The following SPHKAP variants were observed in gnomAD, a reference collection of about 807,000 sequenced individuals.
The protein encoded by SPHKAP is SPHK1 interactor, AKAP domain containing, also known as A-kinase anchor protein SPHKAP.
Under a neutral mutation model 137.5 loss-of-function variants are expected in SPHKAP, and 67 were observed. The observed-to-expected ratio is 0.49, with a 90% confidence interval of 0.40 to 0.60. The LOEUF (loss-of-function observed/expected upper bound fraction) is 0.60. Among genes scored for constraint, SPHKAP ranks in the 20% least tolerant of loss-of-function variants. The pLI is 0.00. For synonymous variants in SPHKAP, 813 were observed against 785.3 expected, an observed-to-expected ratio of 1.04 and a Z score of -0.59; for missense variants, 2,097 against 2,069.3, an observed-to-expected ratio of 1.01 and a Z score of -0.26.
At chr2:228,070,154 C>T (rs1340387754) in intron 3 of SPHKAP, among the ~76,000 whole-genome samples, 1 of 152,188 alleles carries the variant, frequency 6.6e-6, no homozygotes, top group Admixed American at 6.5e-5. Context: ...CTACTAATAG[C>T]TTACTGTTAA....
At chr2:228,149,405 A>G (rs935364139) in intron 1 of SPHKAP, among the ~76,000 whole-genome samples, 4 of 152,268 alleles carry the variant, frequency 2.6e-5, no homozygotes, top group Non-Finnish European at 4.4e-5. Context: ...CAGTGAAATT[A>G]TCTTTACATC....
In SPHKAP at chr2:228,017,330, C is replaced by T. The variant is rs369782574; in HGVS notation, c.3524G>A (p.Ser1175Asn). The T allele has an allele frequency of 1.9e-6, 3 of 1,613,686 alleles. No homozygotes were observed. The highest frequency in any genetic ancestry group is 1.3e-5 in the African/African-American group (1 of 74,936). Residue 1175 changes from serine to asparagine, a missense_variant, in exon 7 of 12, where the codon AGT becomes AAT. By Grantham distance (46) the Ser-to-Asn change is conservative. Coordinates refer to ENST00000392056, the MANE Select transcript of SPHKAP (RefSeq NM_001142644.2). ...QQACRKSDHLSVRPSCPSKQS... is the reference protein window; with the variant it reads ...QQACRKSDHLNVRPSCPSKQS... ...CTTAGAGGGACAGCTAGGCCTCACA[C>T]TGAGGTGGTCACTTTTCCGGCACGC...
At chr2:228,008,021 TTTTATC>T (rs1245252297) in intron 7 of SPHKAP, among the ~76,000 whole-genome samples, 8 of 152,216 alleles carry the variant, frequency 5.3e-5, no homozygotes, top group African/African-American at 1.7e-4. Flanking sequence ...TTTTTAAAGT[TTTTATC>T]TTTATGTTGT....
chr2:228,141,496 C>T (rs185301547), intron 1 of SPHKAP, among the ~76,000 whole-genome samples: 74 of 152,246 alleles, frequency 4.9e-4, no homozygotes, highest in African/African-American at 1.7e-3. Flanking sequence ...AATATATGCA[C>T]ATTTTTGAAT....
At chr2:228,046,528 T>C (rs892113023) in intron 3 of SPHKAP, among the ~76,000 whole-genome samples, 1 of 152,068 alleles carries the variant, frequency 6.6e-6, no homozygotes, top group African/African-American at 2.4e-5. Context: ...AAATAGGTGA[T>C]TCAAAAAGCT....
At chr2:228,023,374 T>G (rs1419620295) in intron 5 of SPHKAP, among the ~76,000 whole-genome samples, 1 of 152,150 alleles carries the variant, frequency 6.6e-6, no homozygotes, top group Non-Finnish European at 1.5e-5. Flanking sequence ...TTGGAAATAT[T>G]TACTCTCAGG....
At chr2:228,109,503 G>T in intron 2 of SPHKAP, 1 of 324,688 alleles carries the variant, frequency 3.1e-6, no homozygotes, top group Non-Finnish European at 4.4e-6. Flanking sequence ...TTTAGAAATA[G>T]CACGGTATGG....
chr2:228,019,185 C>T lies in SPHKAP; in HGVS notation c.1669G>A (p.Ala557Thr). The change falls in exon 7 of 12, where the codon GCT becomes ACT. Residue 557 changes from alanine to threonine, a missense_variant. Ala to Thr is a moderately conservative substitution (Grantham distance 58). Transcript: ENST00000392056. ...GCCACCTGAGTCATGCCACACAAAG[C>T]AGATGGAAAGGAGTACTCATTGATG... ...PSINEYSFPS[A>T]LCGMTQVASA... The T allele has an allele frequency of 6.2e-7, 1 of 1,613,720 alleles. No homozygotes were observed. Among genetic ancestry groups the T allele is most frequent in the South Asian group, 1.1e-5 (1 of 91,078 alleles).
chr2:228,181,512 C>A lies in SPHKAP; in HGVS notation c.32+55G>T. Reference sequence around the variant, plus strand: ...GGGCAAGTTGGTGAGCGACTCACAACGCGGAACGGAGTTTGATCGACATGG... The same window carrying A: ...GGGCAAGTTGGTGAGCGACTCACAAAGCGGAACGGAGTTTGATCGACATGG... On this transcript the variant is annotated intron_variant, in intron 1 of 11. Coordinates refer to ENST00000392056, the MANE Select transcript of SPHKAP (RefSeq NM_001142644.2). This position sits in a 1 kb window ranked among gnomAD's most constrained non-coding sequence, Gnocchi z 4.3. The A allele has an allele frequency of 6.2e-7, 1 of 1,613,832 alleles. No homozygotes were observed. Among genetic ancestry groups the A allele is most frequent in the Non-Finnish European group, 8.5e-7 (1 of 1,179,746 alleles).
intron 7 of SPHKAP, among the ~76,000 whole-genome samples, chr2:228,002,084 C>T (rs1400897331): frequency 1.3e-5 from 2 of 152,104 alleles, no homozygotes; most frequent in Non-Finnish European, 2.9e-5. Flanking sequence ...GGTATATACC[C>T]AGTAATGGGA....
chr2:228,072,358 C>CT (rs61521562), intron 3 of SPHKAP, among the ~76,000 whole-genome samples: 2 of 151,620 alleles, frequency 1.3e-5, no homozygotes, highest in South Asian at 2.1e-4. Flanking sequence ...AGCATCATAA[C>CT]TTTTTTTTTA....
In SPHKAP at chr2:228,019,637, C is replaced by T. The variant is rs747853973; in HGVS notation, c.1217G>A (p.Arg406Lys). 6 of 1,614,086 alleles carry T rather than the reference C, an allele frequency of 3.7e-6. No homozygotes were observed. Among genetic ancestry groups the T allele is most frequent in the Non-Finnish European group, 3.4e-6 (4 of 1,179,970 alleles). The change falls in exon 7 of 12, where the codon AGA (arginine) becomes AAA (lysine). Residue 406 changes from arginine to lysine, a missense_variant. Physicochemically the swap from Arg to Lys is conservative, Grantham distance 26. Transcript: ENST00000392056. ...AESVLQDAFIRLSQSQSTLPQ... is the reference protein window; with the variant it reads ...AESVLQDAFIKLSQSQSTLPQ... ...TAATGTGGACTGAGATTGAGATAAT[C>T]TAATAAATGCATCCTGCAGCACGGA... is the stretch of plus-strand genomic sequence containing the variant.
chr2:228,086,041 T>C (rs1697527279), intron 3 of SPHKAP, among the ~76,000 whole-genome samples: 2 of 151,762 alleles, frequency 1.3e-5, no homozygotes, highest in Admixed American at 1.3e-4. Flanking sequence ...CCCAAACATC[T>C]CCAAAGGCCA....
At chr2:228,147,402 A>G (rs1699806493) in intron 1 of SPHKAP, among the ~76,000 whole-genome samples, 1 of 152,240 alleles carries the variant, frequency 6.6e-6, no homozygotes. Context: ...TATAGTTTAC[A>G]ATTGCAATAT....
intron 3 of SPHKAP, among the ~76,000 whole-genome samples, chr2:228,071,575 G>A (rs1040619468): frequency 1.3e-5 from 2 of 151,966 alleles, no homozygotes; most frequent in African/African-American, 4.8e-5. Flanking sequence ...TTCCTTTCTT[G>A]TAAAAGTTGC....
At chr2:227,990,759 TC>T (rs1693382972) in intron 11 of SPHKAP, 4 of 408,050 alleles carry the variant, frequency 9.8e-6, no homozygotes, top group Non-Finnish European at 1.7e-5. Context: ...AAAGTTCCCA[TC>T]CCCTCAATTT....
intron 3 of SPHKAP, among the ~76,000 whole-genome samples, chr2:228,055,463 T>C (rs955571184): frequency 6.6e-6 from 1 of 152,146 alleles, no homozygotes; most frequent in African/African-American, 2.4e-5. Context: ...TGCCATTACT[T>C]CCCTTATATC....
rs369238589 is a variant in SPHKAP at position 228,050,356 on chromosome 2, A to G, written c.247-22813T>C. 2.4e-4 allele frequency among the ~76,000 whole-genome samples: 37 copies of G among 152,328 alleles called. No individual in the cohort carries two copies. In the East Asian group the frequency reaches 3.3e-3, roughly 14 times the overall value. ...GTATAAACCCAAAGGAAAATAAGTCATTCTGCCACAAAGACACATGCACTT... is the reference window on the plus strand; with the variant it reads ...GTATAAACCCAAAGGAAAATAAGTCGTTCTGCCACAAAGACACATGCACTT... On this transcript the variant is annotated intron_variant, in intron 3 of 11. Transcript: ENST00000392056.
At position 228,050,278 on chromosome 2, in the gene SPHKAP, A is replaced by C. The variant is rs113804196; in HGVS notation, c.247-22735T>G. Among the ~76,000 whole-genome samples, 161 of 152,316 alleles carry C rather than the reference A, an allele frequency of 1.1e-3. 1 individual carries two copies. The highest frequency in any genetic ancestry group is 3.4e-3 in the African/African-American group (143 of 41,584). On this transcript the variant is annotated intron_variant, in intron 3 of 11. Transcript: ENST00000392056. ...TCAGCCACTGTGAAAAGCAGTTTGG[A>C]GGTTTCTCAAATAATTTAAAACTAC...
Sources: allele counts gnomAD v4.1 joint callset (sites outside exome capture counted in the v4.1 genomes callset), GRCh38; gene constraint gnomAD v4.1.1; non-coding constraint Gnocchi (gnomAD v3.1); transcripts MANE v1.5; gene names NCBI Gene and HGNC (gene_info 2026-07-23, HGNC 2026-07-21).